RAB38: variants seen among roughly 807,000 people sequenced by gnomAD.
The protein encoded by RAB38 is ras-related protein Rab-38.
RAB38 carries 15 observed loss-of-function variants against 18.4 expected under a neutral mutation model. The ratio of observed to expected loss-of-function variants is 0.82; its 90% confidence interval spans 0.55 to 1.26. The LOEUF (loss-of-function observed/expected upper bound fraction) is 1.26, where lower values mean the gene tolerates loss of function less well. Ranked by LOEUF, RAB38 falls within the 50% of genes most tolerant of loss-of-function variation. The pLI, the probability that RAB38 is intolerant of heterozygous loss-of-function variation, is 0.00. For missense variants in RAB38, 294 were observed against 267.4 expected (o/e 1.10, Z -0.69); for synonymous variants, 101 against 104.4 (o/e 0.97, Z 0.20).
chr11:88,141,679 A>G (rs1236576135), intron 2 of RAB38, among the ~76,000 whole-genome samples: 2 of 152,188 alleles, frequency 1.3e-5, no homozygotes, highest in African/African-American at 4.8e-5. Context: ...ATGGTTTGAC[A>G]TACCGCAAAG....
the RAB38 span, among the ~76,000 whole-genome samples, chr11:88,039,156 G>C: frequency 1.3e-5 from 2 of 152,126 alleles, no homozygotes; most frequent in African/African-American, 4.8e-5. Flanking sequence ...GCCGAGTTGA[G>C]AAATAATTTA....
At chr11:87,893,374 A>ATATATATATATATGTG in the RAB38 span, among the ~76,000 whole-genome samples, 2 of 37,892 alleles carry the variant, frequency 5.3e-5, no homozygotes, top group African/African-American at 1.1e-4. Flanking sequence ...TATTTTACAT[A>ATATATATATATATGTG]TATATATATA....
At chr11:88,133,840 T>C (rs370925543) in intron 2 of RAB38, among the ~76,000 whole-genome samples, 46 of 152,340 alleles carry the variant, frequency 3.0e-4, no homozygotes, top group Middle Eastern at 3.4e-3. Flanking sequence ...GGCTGTCTAC[T>C]GAGGAGAGTC....
rs76872160 is a variant in RAB38, at chr11:88,157,903, C to T, written c.203-7948G>A. 5.0e-3 allele frequency among the ~76,000 whole-genome samples: 752 copies of T among 151,834 alleles called. 7 individuals are homozygous for T. Among genetic ancestry groups the T allele is most frequent in the Non-Finnish European group, 8.3e-3 (565 of 67,838 alleles). Reference sequence around the variant, plus strand: ...GAAAGATCTTAAATTGACAATCTAACATCAGAACAAAAAAACACTAAAATC... The same window carrying T: ...GAAAGATCTTAAATTGACAATCTAATATCAGAACAAAAAAACACTAAAATC... On this transcript the variant is annotated intron_variant, in intron 1 of 2. Coordinates refer to ENST00000243662, the MANE Select transcript of RAB38 (RefSeq NM_022337.3).
At chr11:87,856,757 C>A in the RAB38 span, among the ~76,000 whole-genome samples, 1 of 151,900 alleles carries the variant, frequency 6.6e-6, no homozygotes, top group African/African-American at 2.4e-5. Flanking sequence ...GGGATACATG[C>A]GCAGAATGTG....
the RAB38 span, among the ~76,000 whole-genome samples, chr11:87,881,525 C>T: frequency 3.3e-5 from 5 of 151,804 alleles, no homozygotes; most frequent in Non-Finnish European, 7.4e-5. Context: ...GTTATTTTCT[C>T]TACATTCATT....
At chr11:87,976,861 ATATAT>A in the RAB38 span, among the ~76,000 whole-genome samples, 2 of 101,628 alleles carry the variant, frequency 2.0e-5, no homozygotes, top group African/African-American at 7.8e-5. Context: ...ATAATGTATT[ATATAT>A]TATATGTTAT....
the RAB38 span, among the ~76,000 whole-genome samples, chr11:88,033,011 A>G: frequency 6.6e-6 from 1 of 152,204 alleles, no homozygotes; most frequent in Non-Finnish European, 1.5e-5. Flanking sequence ...GATTAAGAAA[A>G]TGTGGCACAT....
At chr11:88,037,444 G>A in the RAB38 span, among the ~76,000 whole-genome samples, 2 of 151,790 alleles carry the variant, frequency 1.3e-5, no homozygotes, top group Non-Finnish European at 2.9e-5. Context: ...TTTATAATTT[G>A]AGTACAATAA....
the RAB38 span, among the ~76,000 whole-genome samples, chr11:87,932,168 A>C: frequency 1.3e-5 from 2 of 152,058 alleles, no homozygotes; most frequent in African/African-American, 2.4e-5. Flanking sequence ...ACAAATACCT[A>C]ATGCATGCTG....
chr11:87,929,612 G>A, the RAB38 span, among the ~76,000 whole-genome samples: 5 of 150,018 alleles, frequency 3.3e-5, no homozygotes, highest in Non-Finnish European at 4.4e-5. Flanking sequence ...TGTATACAAC[G>A]TGCAGGTTAG....
chr11:87,947,695 T>A, the RAB38 span, among the ~76,000 whole-genome samples: 6 of 152,128 alleles, frequency 3.9e-5, no homozygotes, highest in Non-Finnish European at 7.4e-5. Context: ...GATCAGATGG[T>A]TGTAGATGTG....
the RAB38 span, among the ~76,000 whole-genome samples, chr11:88,023,169 AG>A: frequency 2.6e-5 from 4 of 152,288 alleles, no homozygotes; most frequent in South Asian, 6.2e-4. Flanking sequence ...AAAAAATGAG[AG>A]AAAAATGTTA....
the RAB38 span, among the ~76,000 whole-genome samples, chr11:87,919,437 C>G: frequency 2.6e-5 from 4 of 151,764 alleles, no homozygotes; most frequent in Non-Finnish European, 1.5e-5. Context: ...TTCTTGAATT[C>G]CAGGAATTAA....
chr11:87,828,455 A>G, the RAB38 span, among the ~76,000 whole-genome samples: 1 of 152,178 alleles, frequency 6.6e-6, no homozygotes, highest in Admixed American at 6.6e-5. Flanking sequence ...GAGTATCTCT[A>G]ATCTGTACTG....
At chr11:88,084,674 A>G in the RAB38 span, among the ~76,000 whole-genome samples, 1 of 151,780 alleles carries the variant, frequency 6.6e-6, no homozygotes, top group Non-Finnish European at 1.5e-5. Flanking sequence ...CTCCTCATAT[A>G]ACAGCTCTCT....
the RAB38 span, among the ~76,000 whole-genome samples, chr11:87,831,853 A>T: frequency 6.6e-6 from 1 of 152,192 alleles, no homozygotes; most frequent in Admixed American, 6.6e-5. Flanking sequence ...GCAGTAGAGA[A>T]TGCTTAGATT....
chr11:88,089,126 T>TTCCTTC, the RAB38 span, among the ~76,000 whole-genome samples: 7 of 151,956 alleles, frequency 4.6e-5, no homozygotes, highest in Non-Finnish European at 1.0e-4. Flanking sequence ...AATAAATACC[T>TTCCTTC]TCCTTCTCAT....
At chr11:88,105,762 C>T in the RAB38 span, among the ~76,000 whole-genome samples, 1 of 152,066 alleles carries the variant, frequency 6.6e-6, no homozygotes, top group African/African-American at 2.4e-5. Context: ...ACTTGAGCCA[C>T]GAAGAATGAA....
Sources: allele counts gnomAD v4.1 joint callset (sites outside exome capture counted in the v4.1 genomes callset), GRCh38; gene constraint gnomAD v4.1.1; transcripts MANE v1.5; gene names NCBI Gene and HGNC (gene_info 2026-07-23, HGNC 2026-07-21).